Variants in SPECC1 observed in about 807,000 individuals in gnomAD.
SPECC1 encodes cytospin-B.
A neutral mutation model predicts 104.1 loss-of-function variants in SPECC1; 62 were observed. The observed-to-expected ratio is 0.60, with a 90% CI of 0.49 to 0.74. The LOEUF (loss-of-function observed/expected upper bound fraction) is 0.74, where lower values mean the gene tolerates loss of function less well. Ranked by LOEUF, SPECC1 falls within the 30% of genes least tolerant of loss-of-function variation. The pLI, the probability that SPECC1 is intolerant of heterozygous loss-of-function variation, is 0.00. For synonymous variants in SPECC1, 513 were observed against 501.6 expected, an observed-to-expected ratio of 1.02 and a Z score of -0.30; for missense variants, 1,306 against 1,310.5, an observed-to-expected ratio of 1.00 and a Z score of 0.05.
intron 2 of SPECC1, among the ~76,000 whole-genome samples, chr17:20,104,617 C>G (rs927248923): frequency 6.6e-6 from 1 of 151,676 alleles, no homozygotes; most frequent in Non-Finnish European, 1.5e-5. Flanking sequence ...GGGGCACGTG[C>G]CTGTAATCCC....
intron 4 of SPECC1, among the ~76,000 whole-genome samples, chr17:20,213,793 A>T (rs773093701): frequency 1.3e-5 from 2 of 152,162 alleles, no homozygotes; most frequent in Non-Finnish European, 2.9e-5. Context: ...TGGAGTGAAC[A>T]GGGTGGTCAG....
intron 3 of SPECC1, among the ~76,000 whole-genome samples, chr17:20,150,810 T>C (rs1230322335): frequency 6.6e-6 from 1 of 152,274 alleles, no homozygotes; most frequent in East Asian, 1.9e-4. Context: ...ATATTTGGTA[T>C]AGAAAAAAAG....
At chr17:20,083,678 T>TA (rs1436611807) in intron 1 of SPECC1, among the ~76,000 whole-genome samples, 1 of 152,230 alleles carries the variant, frequency 6.6e-6, no homozygotes, top group African/African-American at 2.4e-5. Context: ...CTTTTGCTGT[T>TA]ACGAAATCAA....
intron 1 of SPECC1, among the ~76,000 whole-genome samples, chr17:20,023,303 G>A (rs1467009842): frequency 1.3e-5 from 2 of 152,114 alleles, no homozygotes; most frequent in African/African-American, 2.4e-5. Context: ...ACTTAATTTT[G>A]TCTTCCTTCT....
At chr17:20,212,379 A>T (rs2037208706) in intron 4 of SPECC1, among the ~76,000 whole-genome samples, 1 of 152,154 alleles carries the variant, frequency 6.6e-6, no homozygotes, top group African/African-American at 2.4e-5. Flanking sequence ...CATACCTGAG[A>T]CTGGAAAGAA....
At chr17:20,280,068 G>A (rs1306021033) in intron 12 of SPECC1, among the ~76,000 whole-genome samples, 1 of 152,178 alleles carries the variant, frequency 6.6e-6, no homozygotes, top group Non-Finnish European at 1.5e-5. Flanking sequence ...CCATCAAAAT[G>A]GATTCCACCT....
At chr17:20,207,006 G>A (rs1261766159) in intron 4 of SPECC1, among the ~76,000 whole-genome samples, 1 of 152,172 alleles carries the variant, frequency 6.6e-6, no homozygotes, top group Non-Finnish European at 1.5e-5. Context: ...TGCAAGAATT[G>A]TGGTGATTTT....
intron 3 of SPECC1, chr17:20,156,121 G>T: frequency 7.3e-7 from 1 of 1,376,436 alleles, no homozygotes; most frequent in Non-Finnish European, 9.4e-7. Context: ...CTCGCCAGCC[G>T]GAGCCAGCGC....
chr17:20,107,772 C>A (rs189736109), intron 2 of SPECC1, among the ~76,000 whole-genome samples: 4 of 152,086 alleles, frequency 2.6e-5, no homozygotes, highest in Non-Finnish European at 4.4e-5. Context: ...GTGATCTGCC[C>A]GTTTTGGCCT....
At chr17:20,209,829 T>C (rs1466397087) in intron 4 of SPECC1, among the ~76,000 whole-genome samples, 2 of 152,244 alleles carry the variant, frequency 1.3e-5, no homozygotes, top group African/African-American at 2.4e-5. Context: ...TTCAGTTGTT[T>C]GGGATCTTGG....
chr17:20,315,311 G>A lies in SPECC1; in HGVS notation c.*1246G>A, dbSNP rs1159301591. Reference sequence around the variant, plus strand: ...ATAACTAACAAAGAAGAATGCAGTTGCCCCAGCATCCTACTGGTCACCTTA... The same window carrying A: ...ATAACTAACAAAGAAGAATGCAGTTACCCCAGCATCCTACTGGTCACCTTA... On this transcript the variant is annotated 3_prime_UTR_variant, in exon 15 of 15. Transcript: ENST00000395527. 7 of 232,562 alleles carry A rather than the reference G, an allele frequency of 3.0e-5. No homozygotes were observed. The East Asian group carries it at 4.2e-4, about 14-fold the overall frequency. 14.4% of individuals were successfully genotyped at this position (232,562 alleles called of 1,614,324 possible). A position where few individuals can be genotyped will look rare whatever the true frequency, so the allele number is the denominator to read the frequency against.
intron 1 of SPECC1, among the ~76,000 whole-genome samples, chr17:20,034,699 G>A (rs1051424414): frequency 2.7e-5 from 4 of 148,862 alleles, no homozygotes; most frequent in Admixed American, 6.7e-5. Context: ...TCTGCCCCCC[G>A]GGTTCAAGCG....
intron 10 of SPECC1, among the ~76,000 whole-genome samples, chr17:20,256,954 A>G (rs1175918887): frequency 6.6e-6 from 1 of 152,178 alleles, no homozygotes; most frequent in Non-Finnish European, 1.5e-5. Flanking sequence ...TGAAAGAGTG[A>G]TTCCTACTTC....
chr17:20,021,235 A>G (rs547799504), intron 1 of SPECC1, among the ~76,000 whole-genome samples: 2 of 152,214 alleles, frequency 1.3e-5, no homozygotes, highest in South Asian at 4.2e-4. Context: ...ATCCACATGT[A>G]AGTGGACACA....
At chr17:20,298,939 G>GAA (rs1567617111) in intron 13 of SPECC1, among the ~76,000 whole-genome samples, 3 of 76,436 alleles carry the variant, frequency 3.9e-5, no homozygotes, top group Admixed American at 2.3e-4. Context: ...GAGAGAGAGA[G>GAA]AGAGAGAGAG....
chr17:20,207,167 A>G (rs2036843114), intron 4 of SPECC1, among the ~76,000 whole-genome samples: 1 of 152,110 alleles, frequency 6.6e-6, no homozygotes, highest in Non-Finnish European at 1.5e-5. Context: ...AGGGGTTGTC[A>G]TTGTTTCAAG....
intron 2 of SPECC1, among the ~76,000 whole-genome samples, chr17:20,099,908 C>T (rs2047859977): frequency 6.6e-6 from 1 of 151,994 alleles, no homozygotes; most frequent in Non-Finnish European, 1.5e-5. Flanking sequence ...CCAGGACCCA[C>T]TGTGGATACC....
At chr17:20,142,903 G>A (rs1428244860) in intron 3 of SPECC1, among the ~76,000 whole-genome samples, 1 of 151,648 alleles carries the variant, frequency 6.6e-6, no homozygotes, top group Admixed American at 6.6e-5. Flanking sequence ...GGGAGGCTAA[G>A]GCAGGAGAAT....
At position 20,318,817 on chromosome 17, in the gene SPECC1, C is replaced by T. The variant is rs2042070470; in HGVS notation, c.*4752C>T. 1 of 210,702 alleles carries T rather than the reference C, an allele frequency of 4.7e-6. No homozygotes were observed. Among genetic ancestry groups the T allele is most frequent in the Non-Finnish European group, 9.6e-6 (1 of 104,096 alleles). 13.1% of individuals were successfully genotyped at this position (210,702 alleles called of 1,614,324 possible). On this transcript the variant is annotated 3_prime_UTR_variant, in exon 15 of 15. Coordinates refer to ENST00000395527, the MANE Select transcript of SPECC1 (RefSeq NM_001243439.2). ...GCTAAATCTGTAGCATCCTGAATAG[C>T]ACACTAATTTTTTTTTTTAGCACAC...
Sources: gnomAD v4.1 joint callset for allele counts (sites outside exome capture counted in the v4.1 genomes callset) on GRCh38, gnomAD v4.1.1 for gene constraint, MANE v1.5 for transcripts, NCBI Gene and HGNC (gene_info 2026-07-23, HGNC 2026-07-21) for gene names.